The following ASAH2 variants were observed in gnomAD, a reference collection of about 807,000 sequenced individuals.
ASAH2 encodes the protein N-acylsphingosine amidohydrolase 2.
In ASAH2, 58 loss-of-function variants were observed where a neutral mutation model predicts 82.9. That is an observed-to-expected ratio of 0.70 (90% CI 0.57 to 0.87). The LOEUF is 0.87. ASAH2 is among the 40% of genes least tolerant of loss of function. The probability of loss-of-function intolerance (pLI) is 0.00; values close to 1 mark genes in which losing one functional copy is unlikely to be tolerated. For synonymous variants in ASAH2, 276 were observed against 289.7 expected, an observed-to-expected ratio of 0.95 and a Z score of 0.48; for missense variants, 779 against 834.0, an observed-to-expected ratio of 0.93 and a Z score of 0.81.
intron 17 of ASAH2, 143 bp downstream of exon 17, chr10:50,198,908 G>A: frequency 1.1e-6 from 1 of 873,350 alleles, no homozygotes; most frequent in African/African-American, 1.7e-5. Context: ...AAATATAAAG[G>A]TTGTCAAACT....
At chr10:50,207,548 C>G (rs1845332675) in intron 12 of ASAH2, among the ~76,000 whole-genome samples, 1 of 150,892 alleles carries the variant, frequency 6.6e-6, no homozygotes, top group Admixed American at 6.6e-5. Context: ...TAGTTGTACG[C>G]TAACAAATTA....
intron 4 of ASAH2, among the ~76,000 whole-genome samples, chr10:50,239,488 T>C (rs979865834): frequency 6.6e-6 from 1 of 152,180 alleles, no homozygotes; most frequent in African/African-American, 2.4e-5. Flanking sequence ...CTTTTATTTC[T>C]GCTAATGACC....
In ASAH2 at chr10:50,248,521, G is replaced by A; in HGVS notation, c.90C>T (p.Leu30=). ...MSAITVALLS[L]LFITSGTIEN... Reference sequence around the variant, plus strand: ...CAATGGTCCCACTGGTGATAAACAAGAGGCTGAGAAGGGCCACTGTGATGG... The same window carrying A: ...CAATGGTCCCACTGGTGATAAACAAAAGGCTGAGAAGGGCCACTGTGATGG... Residue 30 remains leucine (L), a synonymous_variant, in exon 2 of 21, where the codon CTC becomes CTT. Coordinates refer to ENST00000682911, the MANE Select transcript of ASAH2 (RefSeq NM_019893.4). 1 of 1,613,880 alleles carries A rather than the reference G, an allele frequency of 6.2e-7. No homozygotes were observed. The highest frequency in any genetic ancestry group is 1.3e-5 in the African/African-American group (1 of 75,042).
At chr10:50,242,153 A>G (rs1443112122) in intron 4 of ASAH2, among the ~76,000 whole-genome samples, 1 of 152,180 alleles carries the variant, frequency 6.6e-6, no homozygotes, top group African/African-American at 2.4e-5. Context: ...TCTAAGACTC[A>G]GTTTTCTTAT....
At chr10:50,214,642 T>C (rs1272809303) in intron 9 of ASAH2, 101 bp downstream of exon 9, 15 of 1,441,486 alleles carry the variant, frequency 1.0e-5, no homozygotes, top group Non-Finnish European at 1.4e-5. Context: ...TAGGCCAGTG[T>C]ATACTAGAAG....
chr10:50,228,038 CA>C (rs1199739217), intron 7 of ASAH2, among the ~76,000 whole-genome samples: 1 of 152,088 alleles, frequency 6.6e-6, no homozygotes, highest in African/African-American at 2.4e-5. Context: ...AAAAAGAAAG[CA>C]GGGGCCAAGC....
intron 12 of ASAH2, among the ~76,000 whole-genome samples, chr10:50,206,866 A>G (rs1205908724): frequency 1.3e-5 from 2 of 151,908 alleles, no homozygotes; most frequent in Non-Finnish European, 2.9e-5. Context: ...ACTCCACCCA[A>G]CAATAACAGA....
intron 12 of ASAH2, among the ~76,000 whole-genome samples, chr10:50,208,032 A>G (rs1250130564): frequency 6.6e-6 from 1 of 152,006 alleles, no homozygotes; most frequent in African/African-American, 2.4e-5. Flanking sequence ...TTAATGCAGT[A>G]CAACATATTA....
At chr10:50,215,441 T>A (rs1337196601) in intron 8 of ASAH2, among the ~76,000 whole-genome samples, 3 of 151,920 alleles carry the variant, frequency 2.0e-5, no homozygotes, top group Non-Finnish European at 4.4e-5. Context: ...AGGTCTTACA[T>A]TTAAGTCTTT....
At chr10:50,198,072 A>G (rs1255291048) in intron 17 of ASAH2, among the ~76,000 whole-genome samples, 3 of 151,572 alleles carry the variant, frequency 2.0e-5, no homozygotes, top group Non-Finnish European at 3.0e-5. Flanking sequence ...CAAACACACA[A>G]TCAGTAACTA....
At chr10:50,233,971 T>A (rs1406512340) in intron 6 of ASAH2, among the ~76,000 whole-genome samples, 3 of 152,176 alleles carry the variant, frequency 2.0e-5, no homozygotes, top group Non-Finnish European at 4.4e-5. Flanking sequence ...TCTTGTGGAC[T>A]AAGATGATTT....
intron 4 of ASAH2, among the ~76,000 whole-genome samples, chr10:50,237,597 G>C (rs1208029530): frequency 6.6e-6 from 1 of 152,190 alleles, no homozygotes; most frequent in Non-Finnish European, 1.5e-5. Context: ...CTAATACAAA[G>C]AGACTCAGTA....
intron 13 of ASAH2, 32 bp from the exon 14 acceptor site, chr10:50,204,987 G>C: frequency 6.9e-7 from 1 of 1,455,534 alleles, no homozygotes; most frequent in Non-Finnish European, 9.5e-7. Context: ...ATTATGTTAG[G>C]GATAACACTC....
intron 7 of ASAH2, among the ~76,000 whole-genome samples, chr10:50,231,114 A>G (rs907323405): frequency 1.3e-5 from 2 of 151,912 alleles, no homozygotes; most frequent in Non-Finnish European, 2.9e-5. Flanking sequence ...TTCAGCCAAG[A>G]GTAAAATAGA....
At chr10:50,235,556 T>C (rs1312483498) in intron 5 of ASAH2, among the ~76,000 whole-genome samples, 1 of 152,136 alleles carries the variant, frequency 6.6e-6, no homozygotes, top group Non-Finnish European at 1.5e-5. Flanking sequence ...GGCTCCTTCA[T>C]GGGTTTCTCT....
At chr10:50,207,229 A>G (rs1845324078) in intron 12 of ASAH2, among the ~76,000 whole-genome samples, 1 of 151,920 alleles carries the variant, frequency 6.6e-6, no homozygotes, top group African/African-American at 2.4e-5. Context: ...AAGAAAGAAG[A>G]AAAATCTCAA....
Position 50,214,841 on chromosome 10 carries a change from A to G in ASAH2, c.1042T>C (p.Ser348Pro), listed in dbSNP as rs1415199722. The G allele has an allele frequency of 1.2e-6, 2 of 1,613,628 alleles. No homozygotes were observed. The highest frequency in any genetic ancestry group is 2.7e-5 in the African/African-American group (2 of 74,940). Reference protein sequence around the residue: ...QGPFVAAFASSNLGDVSPNIL... With the variant: ...QGPFVAAFASPNLGDVSPNIL... ...TTGGGGGACACATCTCCTAGGTTTGATGAAGCAAAGGCTGCTACAAATGGC... is the reference window on the plus strand; with the variant it reads ...TTGGGGGACACATCTCCTAGGTTTGGTGAAGCAAAGGCTGCTACAAATGGC... Residue 348 changes from serine to proline, a missense_variant, in exon 9 of 21, where the codon TCA becomes CCA. Transcript: ENST00000682911.
intron 7 of ASAH2, among the ~76,000 whole-genome samples, chr10:50,223,213 T>C (rs1301356000): frequency 3.9e-5 from 6 of 152,308 alleles, no homozygotes; most frequent in African/African-American, 1.4e-4. Flanking sequence ...ACAATTTTTT[T>C]TTCCTTCTGT....
At position 50,218,493 on chromosome 10, in the gene ASAH2, A is replaced by C. The variant is rs1845666730; in HGVS notation, c.1014+17T>G. 6.2e-7 allele frequency: 1 copy of C among 1,613,730 alleles called. No individual in the cohort carries two copies. Among genetic ancestry groups the C allele is most frequent in the Non-Finnish European group, 8.5e-7 (1 of 1,179,694 alleles). On this transcript the variant is annotated intron_variant, in intron 8 of 20. Coordinates refer to ENST00000682911, the MANE Select transcript of ASAH2 (RefSeq NM_019893.4). ...TCAGTGAATCAAGATGAAGCTTTCA[A>C]TGATATAAATTCTCACCTGTCCAGG...
Sources: gnomAD v4.1 joint callset for allele counts (sites outside exome capture counted in the v4.1 genomes callset) on GRCh38, gnomAD v4.1.1 for gene constraint, MANE v1.5 for transcripts, NCBI Gene and HGNC (gene_info 2026-07-23, HGNC 2026-07-21) for gene names.